The following NIBAN1 variants were observed in gnomAD, a reference collection of about 807,000 sequenced individuals.
NIBAN1 encodes the protein niban apoptosis regulator 1, also known as protein Niban 1.
Under a neutral mutation model 75.1 loss-of-function variants are expected in NIBAN1, and 81 were observed. The observed-to-expected ratio is 1.08, with a 90% CI of 0.90 to 1.30. NIBAN1 has a LOEUF of 1.30. Among genes scored for constraint, NIBAN1 ranks in the 50% most tolerant of loss-of-function variants. NIBAN1 has a pLI of 0.00. For missense variants in NIBAN1, 1,133 were observed against 1,128.1 expected (o/e 1.00, Z -0.06); for synonymous variants, 436 against 424.8 (o/e 1.03, Z -0.32).
intron 1 of NIBAN1, among the ~76,000 whole-genome samples, chr1:184,910,581 T>G (rs1657214838): frequency 6.6e-6 from 1 of 152,216 alleles, no homozygotes; most frequent in African/African-American, 2.4e-5. Flanking sequence ...AATAAAGGAA[T>G]ATAAGTACTC....
intron 1 of NIBAN1, among the ~76,000 whole-genome samples, chr1:184,919,303 G>A (rs1465283819): frequency 5.9e-5 from 9 of 152,214 alleles, no homozygotes; most frequent in Non-Finnish European, 1.3e-4. Flanking sequence ...GGATTCCAGG[G>A]AAGGAGTTCC....
chr1:184,868,806 A>G (rs1337999990), intron 5 of NIBAN1, among the ~76,000 whole-genome samples: 1 of 152,190 alleles, frequency 6.6e-6, no homozygotes, highest in East Asian at 1.9e-4. Flanking sequence ...CTGACTGAGA[A>G]GACACATGGT....
chr1:184,901,431 C>T (rs1278898558), intron 1 of NIBAN1, among the ~76,000 whole-genome samples: 2 of 152,162 alleles, frequency 1.3e-5, no homozygotes, highest in Non-Finnish European at 2.9e-5. Context: ...GGTTATTATG[C>T]TATCAGCTTT....
intron 1 of NIBAN1, among the ~76,000 whole-genome samples, chr1:184,945,674 G>A (rs1436741172): frequency 2.0e-5 from 3 of 152,078 alleles, no homozygotes; most frequent in South Asian, 2.1e-4. Flanking sequence ...CTACTTTAAC[G>A]GTCTTTTGGT....
intron 5 of NIBAN1, among the ~76,000 whole-genome samples, chr1:184,834,485 C>G (rs530990665): frequency 6.6e-6 from 1 of 152,130 alleles, no homozygotes; most frequent in Non-Finnish European, 1.5e-5. Context: ...AGTGTAAAAG[C>G]ATCCCTATTT....
At chr1:184,907,470 A>G (rs1657134175) in intron 1 of NIBAN1, among the ~76,000 whole-genome samples, 1 of 152,194 alleles carries the variant, frequency 6.6e-6, no homozygotes, top group Non-Finnish European at 1.5e-5. Context: ...TTTAATATTT[A>G]TAAAAGAAAT....
At chr1:184,853,167 A>G (rs1482790779) in intron 5 of NIBAN1, among the ~76,000 whole-genome samples, 2 of 152,208 alleles carry the variant, frequency 1.3e-5, no homozygotes, top group Non-Finnish European at 2.9e-5. Context: ...CCCTTAATTT[A>G]CCATTTACCA....
At chr1:184,903,835 T>C (rs1317275324) in intron 1 of NIBAN1, among the ~76,000 whole-genome samples, 3 of 149,616 alleles carry the variant, frequency 2.0e-5, no homozygotes, top group Non-Finnish European at 4.4e-5. Flanking sequence ...CTCCCAGTCT[T>C]AAGCAATCCT....
intron 6 of NIBAN1, among the ~76,000 whole-genome samples, chr1:184,825,550 T>C (rs1379185156): frequency 2.6e-5 from 4 of 152,194 alleles, no homozygotes; most frequent in Non-Finnish European, 5.9e-5. Flanking sequence ...AAAAAAAGAA[T>C]ATGGGAGGGA....
intron 2 of NIBAN1, among the ~76,000 whole-genome samples, chr1:184,897,889 C>T (rs1656841744): frequency 6.6e-6 from 1 of 152,188 alleles, no homozygotes. Context: ...CACCCCAGTC[C>T]AATTTGGCAT....
At chr1:184,949,111 TG>T (rs1478624000) in intron 1 of NIBAN1, among the ~76,000 whole-genome samples, 24 of 152,198 alleles carry the variant, frequency 1.6e-4, no homozygotes, top group African/African-American at 5.8e-4. Context: ...TTCAGCACTT[TG>T]GGAGGCCGAG....
At chr1:184,830,831 T>C (rs1372701048) in intron 6 of NIBAN1, among the ~76,000 whole-genome samples, 1 of 151,928 alleles carries the variant, frequency 6.6e-6, no homozygotes, top group Non-Finnish European at 1.5e-5. Context: ...TGAAACCCCA[T>C]CTCTACTAAA....
rs369732947 is a variant in NIBAN1, at chr1:184,968,127, C to T, written c.55+6175G>A. On this transcript the variant is annotated intron_variant, in intron 1 of 13. Coordinates refer to ENST00000367511, the MANE Select transcript of NIBAN1 (RefSeq NM_052966.4). ...CTGAGGCAGGAGAATGGCGTGAACC[C>T]GGGAAGCGGAGCTTGCAGTGAGCCG... Among the ~76,000 whole-genome samples the T allele has an allele frequency of 8.9e-5, 2 of 22,528 alleles. 1 individual carries two copies. The highest frequency in any genetic ancestry group is 2.4e-4 in the Non-Finnish European group (2 of 8,286). The allele number at this position is 22,528 out of a possible 152,430, so 14.8% of individuals were successfully genotyped here.
intron 1 of NIBAN1, among the ~76,000 whole-genome samples, chr1:184,937,302 T>C (rs543792638): frequency 1.3e-5 from 2 of 152,010 alleles, no homozygotes; most frequent in Admixed American, 1.3e-4. Context: ...GCTGGGACTA[T>C]AGGTGTGTGC....
chr1:184,876,515 T>C (rs932514635), intron 5 of NIBAN1, among the ~76,000 whole-genome samples: 1 of 151,788 alleles, frequency 6.6e-6, no homozygotes, highest in Non-Finnish European at 1.5e-5. Context: ...CCAGCCAACA[T>C]GGTGAAACTC....
chr1:184,818,514 G>T, intron 9 of NIBAN1, 124 bp downstream of exon 9: 1 of 937,986 alleles, frequency 1.1e-6, no homozygotes, highest in Non-Finnish European at 1.6e-6. Flanking sequence ...TGAATGGAGG[G>T]AAGGGCAGAA....
At chr1:184,930,997 C>CTTTTTTCTTTTTTTTTT (rs1553229154) in intron 1 of NIBAN1, among the ~76,000 whole-genome samples, 2 of 114,556 alleles carry the variant, frequency 1.7e-5, no homozygotes, top group South Asian at 2.4e-4. Flanking sequence ...TTTTCTTCTT[C>CTTTTTTCTTTTTTTTTT]TTTTTTTTTT....
At chr1:184,838,256 G>A (rs472289) in intron 5 of NIBAN1, among the ~76,000 whole-genome samples, 91,273 of 151,982 alleles carry the variant, frequency 0.6, 27,989 homozygotes, top group African/African-American at 0.72. Flanking sequence ...TACTGTGCTC[G>A]GCCCAGAGCC....
intron 5 of NIBAN1, among the ~76,000 whole-genome samples, chr1:184,851,719 A>G (rs1179986952): frequency 6.6e-6 from 1 of 152,112 alleles, no homozygotes; most frequent in Non-Finnish European, 1.5e-5. Flanking sequence ...AAACATGAGG[A>G]TGAAAAGGGA....
Sources: gnomAD v4.1 joint callset for allele counts (sites outside exome capture counted in the v4.1 genomes callset) on GRCh38, gnomAD v4.1.1 for gene constraint, MANE v1.5 for transcripts, NCBI Gene and HGNC (gene_info 2026-07-23, HGNC 2026-07-21) for gene names.